C8B: variants seen among roughly 807,000 people sequenced by gnomAD.
C8B encodes complement C8 beta chain, also known as complement component C8 beta chain.
Under a neutral mutation model 64.6 loss-of-function variants are expected in C8B, and 67 were observed. The ratio of observed to expected loss-of-function variants is 1.04; its 90% CI spans 0.85 to 1.27. The LOEUF is 1.27. Ranked by LOEUF, C8B falls within the 50% of genes most tolerant of loss-of-function variation. C8B has a pLI of 0.00. For synonymous variants in C8B, 284 were observed against 257.7 expected (o/e 1.10, Z -0.98); for missense variants, 790 against 725.2 (o/e 1.09, Z -1.03).
At chr1:56,945,513 A>G (rs1438435225) in intron 7 of C8B, among the ~76,000 whole-genome samples, 1 of 152,212 alleles carries the variant, frequency 6.6e-6, no homozygotes, top group Non-Finnish European at 1.5e-5. Flanking sequence ...ACATTTCAAC[A>G]TAAACTCTCG....
At chr1:56,954,639 T>G in intron 4 of C8B, 47 bp downstream of exon 4, 1 of 1,612,060 alleles carries the variant, frequency 6.2e-7, no homozygotes, top group African/African-American at 1.3e-5. Context: ...AGAATTCCAT[T>G]TAATGCTGTG....
chr1:56,940,330 G>A (rs1644833233), intron 9 of C8B, among the ~76,000 whole-genome samples: 1 of 151,862 alleles, frequency 6.6e-6, no homozygotes, highest in Non-Finnish European at 1.5e-5. Context: ...CACTTTGGGA[G>A]GCAAAAGTGG....
At chr1:56,963,450 T>C (rs1645206796) in intron 1 of C8B, among the ~76,000 whole-genome samples, 1 of 152,166 alleles carries the variant, frequency 6.6e-6, no homozygotes, top group Non-Finnish European at 1.5e-5. Flanking sequence ...AGGTTTTCAA[T>C]TTCTCTTCTC....
chr1:56,942,933 A>C (rs1031387147), intron 8 of C8B, among the ~76,000 whole-genome samples: 2 of 151,028 alleles, frequency 1.3e-5, no homozygotes, highest in Admixed American at 6.6e-5. Context: ...TAAAATAAAT[A>C]ATAATAATAA....
At chr1:56,955,883 T>A (rs1253797849) in intron 3 of C8B, among the ~76,000 whole-genome samples, 1 of 152,214 alleles carries the variant, frequency 6.6e-6, no homozygotes, top group African/African-American at 2.4e-5. Flanking sequence ...AATATTCTCA[T>A]TTTTGCTGGA....
At position 56,933,328 on chromosome 1, in the gene C8B, G is replaced by T; in HGVS notation, c.1552+7C>A. The T allele has an allele frequency of 6.2e-7, 1 of 1,612,652 alleles. No individual in the cohort carries two copies. Among genetic ancestry groups the T allele is most frequent in the Non-Finnish European group, 8.5e-7 (1 of 1,178,714 alleles). ...CACCAGGGACACCAGCTGCCTGAAA[G>T]TGGTACCTTTCAGGACAGGGACTCC... On this transcript the variant is annotated splice_region_variant and intron_variant, in intron 10 of 11. Transcript: ENST00000371237.
chr1:56,957,132 T>C (rs868322115), intron 2 of C8B, among the ~76,000 whole-genome samples: 67 of 152,194 alleles, frequency 4.4e-4, no homozygotes, highest in African/African-American at 1.6e-3. Context: ...AATTAGTCTG[T>C]GAGCTCTCTG....
intron 7 of C8B, among the ~76,000 whole-genome samples, chr1:56,945,572 T>C (rs920704259): frequency 6.6e-6 from 1 of 152,166 alleles, no homozygotes; most frequent in Non-Finnish European, 1.5e-5. Context: ...CCAGGAATTA[T>C]CTGCATGCTG....
At position 56,929,342 on chromosome 1, in the gene C8B, C is replaced by T. The variant is rs1644660499; in HGVS notation, c.*62G>A. On this transcript the variant is annotated 3_prime_UTR_variant, in exon 12 of 12. Coordinates refer to ENST00000371237, the MANE Select transcript of C8B (RefSeq NM_000066.4). ...AGGTGGAAACTGGTGTAGGGCTGAG[C>T]TGGCATGAGTTCTTGAGGGCTCAGG... 6.4e-6 allele frequency: 10 copies of T among 1,573,728 alleles called. No homozygotes were observed. Among genetic ancestry groups the T allele is most frequent in the Non-Finnish European group, 8.7e-6 (10 of 1,145,062 alleles).
At chr1:56,932,361 A>G (rs574849003) in intron 10 of C8B, among the ~76,000 whole-genome samples, 1 of 152,298 alleles carries the variant, frequency 6.6e-6, no homozygotes, top group East Asian at 1.9e-4. Context: ...TCTCATATGA[A>G]TCACAAGAAA....
Position 56,943,743 on chromosome 1 carries a change from A to C in C8B, c.1187T>G (p.Leu396Arg), listed in dbSNP as rs1644900071. The part of the protein sequence containing the change: ...GGAIEEVYVS[L>R]GVSVGKCRGI... ...TCTGCATTTGCCTACAGACACACCC[A>C]GACTGACGTAGACCTCTTCAATGGC... The change falls in exon 8 of 12, where the codon CTG becomes CGG. Residue 396 changes from leucine to arginine, a missense_variant. Transcript: ENST00000371237. The C allele has an allele frequency of 6.2e-7, 1 of 1,614,082 alleles. No homozygotes were observed. The highest frequency in any genetic ancestry group is 1.3e-5 in the African/African-American group (1 of 74,940).
intron 3 of C8B, among the ~76,000 whole-genome samples, chr1:56,956,291 G>T (rs1645102280): frequency 6.6e-6 from 1 of 152,184 alleles, no homozygotes; most frequent in Non-Finnish European, 1.5e-5. Flanking sequence ...TAGCTATGAT[G>T]TCACTTGATG....
intron 11 of C8B, among the ~76,000 whole-genome samples, chr1:56,930,131 TC>T (rs751957208): frequency 6.6e-6 from 1 of 152,216 alleles, no homozygotes; most frequent in Admixed American, 6.5e-5. Context: ...ATGAATGTTT[TC>T]CAGCTTAGAC....
At chr1:56,934,595 T>C (rs775514714) in intron 9 of C8B, among the ~76,000 whole-genome samples, 4 of 152,208 alleles carry the variant, frequency 2.6e-5, no homozygotes, top group Non-Finnish European at 5.9e-5. Flanking sequence ...TACGTCTAAA[T>C]GCAGGCAATC....
chr1:56,957,059 T>TC lies in C8B; in HGVS notation c.250-150dup, dbSNP rs1645114598. 2.7e-5 allele frequency: 22 copies of TC among 816,626 alleles called. No individual in the cohort carries two copies. In the South Asian group the frequency reaches 3.1e-4, roughly 11 times the overall value. 50.6% of individuals were successfully genotyped at this position (816,626 alleles called of 1,614,324 possible). A position where few individuals can be genotyped will look rare whatever the true frequency, so the allele number is the denominator to read the frequency against. The stretch of plus-strand genomic sequence containing the variant: ...TCATCATTCCCCCAGCCCCTTGTGC[T>TC]CCCCCCATTATATATACTTAAGGAG... On this transcript the variant is annotated intron_variant, in intron 2 of 11. Transcript: ENST00000371237.
intron 7 of C8B, 94 bp downstream of exon 7, chr1:56,945,727 A>G: frequency 6.8e-7 from 1 of 1,468,284 alleles, no homozygotes. Flanking sequence ...GACACTGTGA[A>G]GGTGTAGCCA....
chr1:56,943,559 TA>T (rs1384153546), intron 8 of C8B, 136 bp downstream of exon 8: 1 of 1,034,920 alleles, frequency 9.7e-7, no homozygotes, highest in Admixed American at 1.8e-5. Flanking sequence ...GGTAAAACTA[TA>T]AAAAACAGAA....
chr1:56,955,803 C>T (rs766081614), intron 3 of C8B, among the ~76,000 whole-genome samples: 8 of 152,144 alleles, frequency 5.3e-5, no homozygotes, highest in Non-Finnish European at 1.2e-4. Flanking sequence ...TTGAAAGATC[C>T]CCATGCACAG....
intron 1 of C8B, among the ~76,000 whole-genome samples, chr1:56,962,768 G>A (rs1173651199): frequency 6.6e-6 from 1 of 152,172 alleles, no homozygotes; most frequent in Non-Finnish European, 1.5e-5. Flanking sequence ...AGGGGCTATT[G>A]CCATGAATTT....
Sources: gnomAD v4.1 joint callset for allele counts (sites outside exome capture counted in the v4.1 genomes callset) on GRCh38, gnomAD v4.1.1 for gene constraint, MANE v1.5 for transcripts, NCBI Gene and HGNC (gene_info 2026-07-23, HGNC 2026-07-21) for gene names.